The following TMEM50B variants were observed in gnomAD, a reference collection of about 807,000 sequenced individuals.
The protein encoded by TMEM50B is HCV p7-trans-regulated protein 3.
In TMEM50B, 14 loss-of-function variants were observed where a neutral mutation model predicts 23.4. That is an observed-to-expected ratio of 0.60 (90% CI 0.39 to 0.93). TMEM50B has a LOEUF of 0.93. TMEM50B is among the 40% of genes least tolerant of loss of function. TMEM50B has a pLI of 0.00. For missense variants in TMEM50B, 159 were observed against 193.0 expected, an observed-to-expected ratio of 0.82 and a Z score of 1.04; for synonymous variants, 64 against 62.3, an observed-to-expected ratio of 1.03 and a Z score of -0.13.
At chr21:33,440,443 C>T (rs2083998035) in intron 7 of TMEM50B, among the ~76,000 whole-genome samples, 1 of 151,634 alleles carries the variant, frequency 6.6e-6, no homozygotes, top group Non-Finnish European at 1.5e-5. Flanking sequence ...CAAAAATTAG[C>T]TGGGCATGGT....
exon 9 of TMEM50B, chr21:33,432,518 C>G: frequency 1.2e-6 from 1 of 831,576 alleles, no homozygotes; most frequent in Non-Finnish European, 2.0e-6. Context: ...TACCAGACAG[C>G]TACCACTTGC....
chr21:33,434,381 G>A (rs1299058407), intron 8 of TMEM50B, among the ~76,000 whole-genome samples: 1 of 152,138 alleles, frequency 6.6e-6, no homozygotes, highest in African/African-American at 2.4e-5. Context: ...AATTAGCCGG[G>A]CGTGGTGGTG....
At chr21:33,444,172 A>T (rs7276112), downstream of TMEM50B, among the ~76,000 whole-genome samples, 3 of 129,018 alleles carry the variant, frequency 2.3e-5, no homozygotes, top group African/African-American at 7.5e-5. Flanking sequence ...AAGCACTGAG[A>T]TATAGGCGTG....
intron 8 of TMEM50B, among the ~76,000 whole-genome samples, chr21:33,435,802 G>A (rs923852714): frequency 1.5e-5 from 2 of 136,462 alleles, no homozygotes; most frequent in African/African-American, 2.8e-5. Context: ...AGAATCACTT[G>A]AACCCAGGAG....
Position 33,460,512 on chromosome 21 carries a change from A to G in TMEM50B, c.281-7T>C. 1 of 1,582,122 alleles carries G rather than the reference A, an allele frequency of 6.3e-7. No homozygotes were observed. Among genetic ancestry groups the G allele is most frequent in the Non-Finnish European group, 8.6e-7 (1 of 1,162,628 alleles). On this transcript the variant is annotated splice_polypyrimidine_tract_variant and splice_region_variant and intron_variant, in intron 4 of 6. Transcript: ENST00000542230. Reference sequence around the variant, plus strand: ...AAAAGCCAAACTCGAGCACCTGTGTAGAGAAGAGGCTTTATGATTTTGTTC... The same window carrying G: ...AAAAGCCAAACTCGAGCACCTGTGTGGAGAAGAGGCTTTATGATTTTGTTC...
intron 1 of TMEM50B, among the ~76,000 whole-genome samples, chr21:33,476,677 T>G (rs1487851249): frequency 7.1e-6 from 1 of 141,200 alleles, no homozygotes; most frequent in Non-Finnish European, 1.5e-5. Flanking sequence ...AGGAGAATGG[T>G]GTGAACCCGG....
In TMEM50B at chr21:33,450,740, G is replaced by A. The variant is rs1429365712; in HGVS notation, c.*78C>T. ...ATTTAATGTACAATCTACTCCATTT[G>A]GCAATGTGTACTGAGAGATAAAAAA... On this transcript the variant is annotated 3_prime_UTR_variant, in exon 7 of 7. Coordinates refer to ENST00000542230, the MANE Select transcript of TMEM50B (RefSeq NM_006134.7). 7 of 1,066,942 alleles carry A rather than the reference G, an allele frequency of 6.6e-6. No individual in the cohort carries two copies. The highest frequency in any genetic ancestry group is 9.8e-6 in the Non-Finnish European group (7 of 713,688). 66.1% of individuals were successfully genotyped at this position (1,066,942 alleles called of 1,614,324 possible).
intron 4 of TMEM50B, among the ~76,000 whole-genome samples, chr21:33,464,116 GGCTCCACCACTTACTT>G: frequency 6.6e-6 from 1 of 152,114 alleles, no homozygotes; most frequent in East Asian, 1.9e-4. Flanking sequence ...GTTCAATCCT[GGCTCCACCACTTACTT>G]GCTCTGTGAC....
chr21:33,451,848 T>C (rs2123417652), intron 6 of TMEM50B, among the ~76,000 whole-genome samples: 1 of 144,242 alleles, frequency 6.9e-6, no homozygotes, highest in South Asian at 2.2e-4. Context: ...CAAGAACAGC[T>C]TTAAGAGACT....
rs59855166 is a variant in TMEM50B at position 33,464,804 on chromosome 21, C to CAAAAAAAAAAAAAAA, written c.280+523_280+537dup. Among the ~76,000 whole-genome samples, 58 of 100,876 alleles carry CAAAAAAAAAAAAAAA rather than the reference C, an allele frequency of 5.7e-4. 3 individuals are homozygous for CAAAAAAAAAAAAAAA. The highest frequency in any genetic ancestry group is 1.4e-3 in the South Asian group (4 of 2,888). The allele number at this position is 100,876 out of a possible 152,430, so 66.2% of individuals were successfully genotyped here. A position where few individuals can be genotyped will look rare whatever the true frequency, so the allele number is the denominator to read the frequency against. On this transcript the variant is annotated intron_variant, in intron 4 of 6. Coordinates refer to ENST00000542230, the MANE Select transcript of TMEM50B (RefSeq NM_006134.7). ...GGGAAAGAAGAGCTAAACTCCGTCT[C>CAAAAAAAAAAAAAAA]AAAAAAAAAAAAAAAAAAAACAAAA... is the stretch of plus-strand genomic sequence containing the variant.
At chr21:33,461,015 A>C (rs919989983) in intron 4 of TMEM50B, among the ~76,000 whole-genome samples, 5 of 152,176 alleles carry the variant, frequency 3.3e-5, no homozygotes, top group Non-Finnish European at 5.9e-5. Flanking sequence ...ATTCATGAAA[A>C]CTTCAAGATC....
chr21:33,446,068 C>T (rs1490378698), downstream of TMEM50B, among the ~76,000 whole-genome samples: 2 of 152,110 alleles, frequency 1.3e-5, no homozygotes, highest in Non-Finnish European at 2.9e-5. Context: ...CCTCCTGCCA[C>T]CATTTTTATT....
chr21:33,461,802 C>CAA (rs71322214), intron 4 of TMEM50B, among the ~76,000 whole-genome samples: 31 of 140,904 alleles, frequency 2.2e-4, no homozygotes, highest in East Asian at 1.0e-3. Flanking sequence ...AAAACTGTTT[C>CAA]AAAAAAAAAA....
intron 1 of TMEM50B, 118 bp from the exon 2 acceptor site, chr21:33,469,044 G>T (rs1346290062): frequency 6.4e-6 from 4 of 620,306 alleles, no homozygotes; most frequent in Non-Finnish European, 1.1e-5. Flanking sequence ...TTCTACTATA[G>T]TTAAGAAAAA....
At chr21:33,441,577 G>A (rs148664357) in intron 7 of TMEM50B, among the ~76,000 whole-genome samples, 2,026 of 152,170 alleles carry the variant, frequency 0.013, 21 homozygotes, top group Non-Finnish European at 0.019. Context: ...TGTGTAAGGC[G>A]GTGAAGGGCT....
At chr21:33,466,910 T>A in intron 3 of TMEM50B, 100 bp downstream of exon 3, 1 of 870,266 alleles carries the variant, frequency 1.1e-6, no homozygotes, top group Non-Finnish European at 1.7e-6. Context: ...AAAAATAGTC[T>A]ATCAAATAAA....
At chr21:33,473,942 T>C (rs2084342694) in intron 1 of TMEM50B, among the ~76,000 whole-genome samples, 1 of 152,128 alleles carries the variant, frequency 6.6e-6, no homozygotes, top group African/African-American at 2.4e-5. Context: ...ATATATTGTG[T>C]GATTCCATTT....
At chr21:33,440,545 G>A (rs2083998982) in intron 7 of TMEM50B, among the ~76,000 whole-genome samples, 1 of 147,648 alleles carries the variant, frequency 6.8e-6, no homozygotes, top group African/African-American at 2.5e-5. Context: ...CAGAGATCGT[G>A]CCACTGCATG....
intron 1 of TMEM50B, among the ~76,000 whole-genome samples, chr21:33,477,167 C>T (rs1164573763): frequency 6.6e-6 from 1 of 151,914 alleles, no homozygotes; most frequent in Non-Finnish European, 1.5e-5. Flanking sequence ...TGGTGGCACT[C>T]GCCTATAGTC....
Sources: allele counts gnomAD v4.1 joint callset (sites outside exome capture counted in the v4.1 genomes callset), GRCh38; gene constraint gnomAD v4.1.1; transcripts MANE v1.5; gene names NCBI Gene and HGNC (gene_info 2026-07-23, HGNC 2026-07-21).